SPATA16: variants seen among roughly 807,000 people sequenced by gnomAD.
SPATA16 encodes spermatogenesis associated 16.
SPATA16 carries 36 observed loss-of-function variants against 63.3 expected under a neutral mutation model. The observed-to-expected ratio is 0.57, with a 90% CI of 0.44 to 0.75. The LOEUF is 0.75. SPATA16 is among the 30% of genes least tolerant of loss of function. SPATA16 has a pLI of 0.00. For synonymous variants in SPATA16, 203 were observed against 216.7 expected (o/e 0.94, Z 0.56); for missense variants, 646 against 679.3 (o/e 0.95, Z 0.54).
chr3:172,975,341 G>A (rs1028845890), intron 5 of SPATA16, among the ~76,000 whole-genome samples: 3 of 152,114 alleles, frequency 2.0e-5, no homozygotes, highest in Non-Finnish European at 4.4e-5. Flanking sequence ...GTAGAAAACA[G>A]GATAGGTACT....
At chr3:173,023,137 A>G (rs943590707) in intron 3 of SPATA16, among the ~76,000 whole-genome samples, 23 of 139,958 alleles carry the variant, frequency 1.6e-4, no homozygotes, top group Middle Eastern at 3.6e-3. Flanking sequence ...ATGCTTGTGT[A>G]TGTGTGTGTG....
chr3:173,074,925 G>T (rs1480105431), intron 2 of SPATA16, among the ~76,000 whole-genome samples: 1 of 149,300 alleles, frequency 6.7e-6, no homozygotes, highest in Admixed American at 6.7e-5. Context: ...TGGAACCCGG[G>T]AGGCAGAGAT....
intron 2 of SPATA16, among the ~76,000 whole-genome samples, chr3:173,058,879 A>G (rs1736312179): frequency 6.6e-6 from 1 of 152,066 alleles, no homozygotes; most frequent in Admixed American, 6.5e-5. Context: ...CTTTCTAAAT[A>G]CTCTGAAACA....
intron 6 of SPATA16, among the ~76,000 whole-genome samples, chr3:172,934,725 G>A (rs1329457048): frequency 6.6e-6 from 1 of 152,100 alleles, no homozygotes; most frequent in East Asian, 1.9e-4. Flanking sequence ...GAAATTTCCT[G>A]TAGTTAACAT....
At chr3:172,913,865 T>A in intron 9 of SPATA16, 121 bp from the exon 10 acceptor site, 4 of 853,242 alleles carry the variant, frequency 4.7e-6, no homozygotes, top group Non-Finnish European at 7.6e-6. Flanking sequence ...TACTCATCTT[T>A]CCTACAATGA....
chr3:173,075,224 AAAAATAAAATGAG>A (rs1736770448), intron 2 of SPATA16, among the ~76,000 whole-genome samples: 1 of 151,976 alleles, frequency 6.6e-6, no homozygotes, highest in Admixed American at 6.6e-5. Context: ...GGAAATTTTT[AAAAATAAAATGAG>A]AAAATAAAAT....
intron 6 of SPATA16, among the ~76,000 whole-genome samples, chr3:172,929,484 C>A (rs1236620946): frequency 6.6e-6 from 1 of 152,150 alleles, no homozygotes; most frequent in East Asian, 1.9e-4. Context: ...AGTCCTCAAG[C>A]TATTCTGGCT....
At chr3:172,939,902 C>A (rs1028218766) in intron 6 of SPATA16, among the ~76,000 whole-genome samples, 4 of 152,196 alleles carry the variant, frequency 2.6e-5, no homozygotes, top group Non-Finnish European at 4.4e-5. Context: ...ATGCCTCCCC[C>A]ACCTCTGGAG....
chr3:172,991,056 G>T (rs1734565161), intron 4 of SPATA16, among the ~76,000 whole-genome samples: 1 of 152,146 alleles, frequency 6.6e-6, no homozygotes. Flanking sequence ...CCACACTCTT[G>T]ATCCCATGCT....
At chr3:172,965,995 G>A (rs1050221970) in intron 5 of SPATA16, among the ~76,000 whole-genome samples, 1 of 152,104 alleles carries the variant, frequency 6.6e-6, no homozygotes, top group African/African-American at 2.4e-5. Flanking sequence ...TGGGGCAGGT[G>A]GCCTCCTATA....
chr3:173,135,974 T>G (rs1391232743), intron 1 of SPATA16, among the ~76,000 whole-genome samples: 1 of 152,238 alleles, frequency 6.6e-6, no homozygotes. Flanking sequence ...GCTTGAAATT[T>G]TACATACAAA....
intron 2 of SPATA16, among the ~76,000 whole-genome samples, chr3:173,072,251 A>G (rs73044969): frequency 0.035 from 5,281 of 152,250 alleles, 270 homozygotes; most frequent in African/African-American, 0.11. Flanking sequence ...GAACAAAATC[A>G]TGTCCTTTGC....
intron 4 of SPATA16, among the ~76,000 whole-genome samples, chr3:173,016,754 T>A (rs891022912): frequency 2.6e-5 from 4 of 152,120 alleles, no homozygotes; most frequent in African/African-American, 7.2e-5. Flanking sequence ...GTGTCTCACA[T>A]CTGCAATCCC....
chr3:173,066,929 G>A (rs903732213), intron 2 of SPATA16, among the ~76,000 whole-genome samples: 12 of 151,900 alleles, frequency 7.9e-5, no homozygotes, highest in Admixed American at 4.6e-4. Flanking sequence ...GATAACACAG[G>A]AAAGGAATTA....
intron 6 of SPATA16, among the ~76,000 whole-genome samples, chr3:172,927,488 C>T (rs565292673): frequency 1.3e-5 from 2 of 152,224 alleles, no homozygotes; most frequent in East Asian, 1.9e-4. Flanking sequence ...TCAAGGTCAC[C>T]CCTTACTGTT....
rs1735319474 is a variant in SPATA16, at chr3:173,021,004, C to CA, written c.759-1430dup. Among the ~76,000 whole-genome samples the CA allele has an allele frequency of 7.2e-5, 11 of 152,258 alleles. 1 individual carries two copies. Among genetic ancestry groups the CA allele is most frequent in the Admixed American group, 7.2e-4 (11 of 15,290 alleles). ...AGAAAAATGCACATAATCATAATTG[C>CA]ACAAATTTAGGAAACTTGTGTGACC... is the stretch of plus-strand genomic sequence containing the variant. On this transcript the variant is annotated intron_variant, in intron 3 of 10. Coordinates refer to ENST00000351008, the MANE Select transcript of SPATA16 (RefSeq NM_031955.6).
intron 2 of SPATA16, among the ~76,000 whole-genome samples, chr3:173,093,189 T>C (rs1560120602): frequency 6.6e-6 from 1 of 152,064 alleles, no homozygotes; most frequent in Non-Finnish European, 1.5e-5. Flanking sequence ...ATTTAAAATG[T>C]TCTTTAAATG....
chr3:173,059,352 T>C (rs1736321883), intron 2 of SPATA16, among the ~76,000 whole-genome samples: 1 of 151,464 alleles, frequency 6.6e-6, no homozygotes, highest in Non-Finnish European at 1.5e-5. Flanking sequence ...TTTTTTTGGT[T>C]ATTTTTTTTT....
intron 2 of SPATA16, among the ~76,000 whole-genome samples, chr3:173,084,473 G>A (rs1222146373): frequency 6.6e-6 from 1 of 152,096 alleles, no homozygotes; most frequent in African/African-American, 2.4e-5. Context: ...TAGGTTGTTT[G>A]TTTGCCCTGA....
Sources: allele counts gnomAD v4.1 joint callset (sites outside exome capture counted in the v4.1 genomes callset), GRCh38; gene constraint gnomAD v4.1.1; transcripts MANE v1.5; gene names NCBI Gene and HGNC (gene_info 2026-07-23, HGNC 2026-07-21).